The following BMPR1A variants were observed in gnomAD, a reference collection of about 807,000 sequenced individuals.
BMPR1A encodes bone morphogenetic protein receptor type 1A, also known as bone morphogenetic protein receptor type-1A.
In BMPR1A, 7 loss-of-function variants were observed where a neutral mutation model predicts 66.0. That is an observed-to-expected ratio of 0.11 (90% confidence interval 0.06 to 0.20). BMPR1A has a LOEUF of 0.20. Ranked by LOEUF, BMPR1A falls within the 10% of genes least tolerant of loss-of-function variation. BMPR1A has a pLI of 1.00. For synonymous variants in BMPR1A, 200 were observed against 229.7 expected (o/e 0.87, Z 1.17); for missense variants, 408 against 669.1 (o/e 0.61, Z 4.31).
downstream of BMPR1A, chr10:86,932,813 GAAATA>G (rs1339283559): frequency 2.0e-5 from 3 of 152,206 alleles, no homozygotes; most frequent in Non-Finnish European, 2.9e-5. Context: ...CACTGCTTCT[GAAATA>G]AAATCTAACA....
intron 2 of BMPR1A, among the ~76,000 whole-genome samples, chr10:86,850,014 G>A (rs1842545171): frequency 6.6e-6 from 1 of 152,046 alleles, no homozygotes; most frequent in South Asian, 2.1e-4. Context: ...TAGGGGAGTG[G>A]AAGTTAAAAA....
intron 2 of BMPR1A, among the ~76,000 whole-genome samples, chr10:86,865,313 C>A (rs1487096070): frequency 1.3e-5 from 2 of 152,182 alleles, no homozygotes; most frequent in African/African-American, 2.4e-5. Context: ...AATGGCCAGT[C>A]CTTGCCTTAA....
intron 2 of BMPR1A, among the ~76,000 whole-genome samples, chr10:86,848,879 A>C (rs560748519): frequency 1.3e-5 from 2 of 152,302 alleles, no homozygotes; most frequent in African/African-American, 4.8e-5. Context: ...AGAAGTTGCT[A>C]AATTTTATCA....
At chr10:86,882,422 C>A (rs999519510) in intron 3 of BMPR1A, among the ~76,000 whole-genome samples, 4 of 151,008 alleles carry the variant, frequency 2.6e-5, no homozygotes, top group Admixed American at 1.3e-4. Flanking sequence ...GACCCTGTCT[C>A]AAAAAAATAA....
At chr10:86,783,167 C>A (rs999103559) in intron 1 of BMPR1A, among the ~76,000 whole-genome samples, 2 of 152,178 alleles carry the variant, frequency 1.3e-5, no homozygotes, top group African/African-American at 4.8e-5. Context: ...CATTTGACCA[C>A]ATACACAGGG....
intron 5 of BMPR1A, among the ~76,000 whole-genome samples, chr10:86,899,368 G>A (rs1204159279): frequency 6.6e-6 from 1 of 152,180 alleles, no homozygotes; most frequent in African/African-American, 2.4e-5. Flanking sequence ...CATGACTTCC[G>A]ACGTGGCTGG....
intron 3 of BMPR1A, among the ~76,000 whole-genome samples, chr10:86,879,593 A>G (rs998614303): frequency 6.6e-6 from 1 of 152,204 alleles, no homozygotes. Context: ...GACATCATAC[A>G]TATGCTAAAA....
intron 1 of BMPR1A, among the ~76,000 whole-genome samples, chr10:86,800,210 G>C (rs1354822622): frequency 6.6e-6 from 1 of 152,120 alleles, no homozygotes; most frequent in Non-Finnish European, 1.5e-5. Context: ...GGGCAGCACA[G>C]GGCCTGTATT....
intron 2 of BMPR1A, among the ~76,000 whole-genome samples, chr10:86,844,426 G>T (rs536688701): frequency 6.6e-6 from 1 of 152,280 alleles, no homozygotes; most frequent in South Asian, 2.1e-4. Flanking sequence ...AAGGAATGGG[G>T]ACCTGTGAAA....
chr10:86,837,472 T>C lies in BMPR1A; in HGVS notation c.-267-1393T>C, dbSNP rs557230423. 5.9e-5 allele frequency among the ~76,000 whole-genome samples: 9 copies of C among 152,314 alleles called. No individual in the cohort carries two copies. In the South Asian group the frequency reaches 1.9e-3, roughly 32 times the overall value. On this transcript the variant is annotated intron_variant, in intron 1 of 12. Transcript: ENST00000372037. ...TAATACAGTGATTGCCTGCTCTCTC[T>C]CCCACACCCTTAGGGAAGAATGGTG...
chr10:86,924,478 G>A lies in BMPR1A; in HGVS notation c.*759G>A, dbSNP rs980987938. On this transcript the variant is annotated 3_prime_UTR_variant, in exon 13 of 13. Transcript: ENST00000372037. ...ATGCCAAGGCCAAAAGAAGTTTAAA[G>A]CATCTGTAAATTTGGACTGTTTTCC... The A allele has an allele frequency of 4.3e-6, 1 of 233,466 alleles. No individual in the cohort carries two copies. Among genetic ancestry groups the A allele is most frequent in the African/African-American group, 2.2e-5 (1 of 45,322 alleles). 14.5% of individuals were successfully genotyped at this position (233,466 alleles called of 1,614,324 possible). A position where few individuals can be genotyped will look rare whatever the true frequency, so the allele number is the denominator to read the frequency against.
At chr10:86,911,526 G>A (rs117382643) in intron 7 of BMPR1A, among the ~76,000 whole-genome samples, 2,194 of 152,114 alleles carry the variant, frequency 0.014, 24 homozygotes, top group Non-Finnish European at 0.023. Context: ...ATGGCAGATC[G>A]CTTGAGCTCA....
Position 86,866,400 on chromosome 10 carries a change from T to TTTTTTTTTTC in BMPR1A, c.-152-9458_-152-9457insCTTTTTTTTT, listed in dbSNP as rs1554885969. Among the ~76,000 whole-genome samples the TTTTTTTTTTC allele has an allele frequency of 7.9e-4, 60 of 75,604 alleles. 1 individual carries two copies. Among genetic ancestry groups the TTTTTTTTTTC allele is most frequent in the African/African-American group, 4.4e-3 (59 of 13,420 alleles). 49.6% of individuals were successfully genotyped at this position (75,604 alleles called of 152,430 possible). On this transcript the variant is annotated intron_variant, in intron 2 of 12. Transcript: ENST00000372037. Reference sequence around the variant, plus strand: ...GTGTTAAGTTGGGCAAGTTTCTTTCTTTTTTTTTTTTTTTTTTTTTTTTTT... The same window carrying TTTTTTTTTTC: ...GTGTTAAGTTGGGCAAGTTTCTTTCTTTTTTTTTTCTTTTTTTTTTTTTTTTTTTTTTTTT...
At chr10:86,822,954 T>C (rs1046129772) in intron 1 of BMPR1A, among the ~76,000 whole-genome samples, 4 of 152,172 alleles carry the variant, frequency 2.6e-5, no homozygotes, top group African/African-American at 9.6e-5. Flanking sequence ...TTATCTGTAA[T>C]ATGGGATTAC....
rs139798841 is a variant in BMPR1A, at chr10:86,769,566, T to A, written c.-268+12647T>A. On this transcript the variant is annotated intron_variant, in intron 1 of 12. Transcript: ENST00000372037. ...CTAGGCATTAGTGGCCAGAATCCTT[T>A]CCAGGGCTTATTAAGATGTGGCAGA... Among the ~76,000 whole-genome samples, 17 of 152,328 alleles carry A rather than the reference T, an allele frequency of 1.1e-4. 1 individual carries two copies. The highest frequency in any genetic ancestry group is 4.1e-4 in the African/African-American group (17 of 41,596).
intron 3 of BMPR1A, among the ~76,000 whole-genome samples, chr10:86,883,549 C>CAAAAAAAAA (rs71019436): frequency 4.4e-5 from 2 of 45,412 alleles, no homozygotes; most frequent in African/African-American, 7.1e-5. Flanking sequence ...GACTCCGTCT[C>CAAAAAAAAA]AAAAAAAAAA....
At chr10:86,766,738 C>G (rs1446833416) in intron 1 of BMPR1A, among the ~76,000 whole-genome samples, 1 of 151,880 alleles carries the variant, frequency 6.6e-6, no homozygotes, top group South Asian at 2.1e-4. Context: ...GCCTCAGCCT[C>G]CCGAGTACAG....
intron 1 of BMPR1A, among the ~76,000 whole-genome samples, chr10:86,821,230 G>C (rs1842116005): frequency 6.6e-6 from 1 of 152,176 alleles, no homozygotes; most frequent in South Asian, 2.1e-4. Context: ...CCTGAAGGAA[G>C]TTACTCCTCT....
At chr10:86,855,522 G>GAAATAGTATTTCTATTTTTTGA (rs1379829996) in intron 2 of BMPR1A, 8 of 438,990 alleles carry the variant, frequency 1.8e-5, no homozygotes, top group South Asian at 1.7e-4. Context: ...ACTATTTTTT[G>GAAATAGTATTTCTATTTTTTGA]AAATAGTATT....
Sources: allele counts gnomAD v4.1 joint callset (sites outside exome capture counted in the v4.1 genomes callset), GRCh38; gene constraint gnomAD v4.1.1; transcripts MANE v1.5; gene names NCBI Gene and HGNC (gene_info 2026-07-23, HGNC 2026-07-21).